The following CCDC88C variants were observed in gnomAD, a reference collection of about 807,000 sequenced individuals.
CCDC88C encodes the protein coiled-coil and HOOK domain protein 88C, also known as protein Daple.
Under a neutral mutation model 198.8 loss-of-function variants are expected in CCDC88C, and 131 were observed. The observed-to-expected ratio is 0.66, with a 90% CI of 0.57 to 0.76. The LOEUF is 0.76. CCDC88C is among the 30% of genes least tolerant of loss of function. The probability of loss-of-function intolerance (pLI) is 0.00; values close to 1 mark genes in which losing one functional copy is unlikely to be tolerated. For synonymous variants in CCDC88C, 1,166 were observed against 1,114.7 expected, an observed-to-expected ratio of 1.05 and a Z score of -0.92; for missense variants, 2,553 against 2,631.6, an observed-to-expected ratio of 0.97 and a Z score of 0.65.
At chr14:91,330,353 G>A (rs1275308910) in intron 10 of CCDC88C, among the ~76,000 whole-genome samples, 2 of 152,212 alleles carry the variant, frequency 1.3e-5, no homozygotes, top group Non-Finnish European at 2.9e-5. Flanking sequence ...AGTCCTGGGG[G>A]AGCTGAAGTG....
At chr14:91,308,548 C>G in intron 16 of CCDC88C, 56 bp from the exon 17 acceptor site, 1 of 1,556,762 alleles carries the variant, frequency 6.4e-7, no homozygotes, top group Non-Finnish European at 8.8e-7. Flanking sequence ...CCGCAAGTTC[C>G]CAGTGTCCTC....
chr14:91,340,858 CG>C (rs925972692), intron 6 of CCDC88C, among the ~76,000 whole-genome samples: 1 of 151,990 alleles, frequency 6.6e-6, no homozygotes, highest in African/African-American at 2.4e-5. Context: ...AAAAATTAGC[CG>C]GGCGAGGTGG....
intron 6 of CCDC88C, 50 bp from the exon 7 acceptor site, chr14:91,340,074 C>T (rs1370328589): frequency 4.4e-6 from 7 of 1,590,010 alleles, no homozygotes; most frequent in Non-Finnish European, 6.0e-6. Context: ...GACGGGCGCC[C>T]ACTTCCCTCA....
intron 3 of CCDC88C, among the ~76,000 whole-genome samples, chr14:91,361,174 G>A (rs142174681): frequency 8.6e-5 from 13 of 151,794 alleles, no homozygotes; most frequent in Non-Finnish European, 1.6e-4. Context: ...ACAAAAAAGA[G>A]GGTGGGTTTC....
chr14:91,300,213 G>T, intron 20 of CCDC88C, 143 bp from the exon 21 acceptor site: 3 of 1,264,498 alleles, frequency 2.4e-6, no homozygotes, highest in Non-Finnish European at 3.2e-6. Context: ...GGGGCATGGG[G>T]CAGGGAACAG....
At chr14:91,343,067 G>A (rs775695907) in intron 5 of CCDC88C, among the ~76,000 whole-genome samples, 3 of 152,078 alleles carry the variant, frequency 2.0e-5, no homozygotes, top group African/African-American at 7.2e-5. Flanking sequence ...TGATCCTCTC[G>A]CCTCAGCCTC....
chr14:91,317,330 C>T (rs1436110388), intron 13 of CCDC88C, among the ~76,000 whole-genome samples: 3 of 152,180 alleles, frequency 2.0e-5, no homozygotes, highest in Admixed American at 1.3e-4. Context: ...GCACTAGGGG[C>T]CCCCTGTGGG....
At chr14:91,345,564 G>C (rs1488718344) in intron 4 of CCDC88C, among the ~76,000 whole-genome samples, 1 of 152,016 alleles carries the variant, frequency 6.6e-6, no homozygotes, top group Non-Finnish European at 1.5e-5. Context: ...CCCTTTTTAA[G>C]CTTTTCATAT....
chr14:91,293,908 T>C (rs2139757947), intron 23 of CCDC88C, among the ~76,000 whole-genome samples: 1 of 152,348 alleles, frequency 6.6e-6, no homozygotes, highest in East Asian at 1.9e-4. Context: ...TTCAAGTGAA[T>C]TTAATTCTAG....
chr14:91,281,311 G>A, intron 27 of CCDC88C, 146 bp downstream of exon 27: 1 of 1,529,010 alleles, frequency 6.5e-7, no homozygotes, highest in Non-Finnish European at 8.8e-7. Flanking sequence ...TCAGCCCCCT[G>A]GGGAGGGGAA....
At chr14:91,327,154 C>T (rs183213852) in intron 10 of CCDC88C, among the ~76,000 whole-genome samples, 44 of 152,346 alleles carry the variant, frequency 2.9e-4, no homozygotes, top group East Asian at 5.8e-4. Flanking sequence ...GGAACGTGTA[C>T]GCTTCTTTCG....
intron 23 of CCDC88C, 117 bp downstream of exon 23, chr14:91,294,056 T>C: frequency 2.6e-6 from 3 of 1,172,116 alleles, no homozygotes; most frequent in Non-Finnish European, 3.7e-6. Flanking sequence ...TGCCCTGCCC[T>C]CAGGATCCCA....
chr14:91,295,532 C>T (rs746910376), intron 22 of CCDC88C, among the ~76,000 whole-genome samples: 2 of 152,196 alleles, frequency 1.3e-5, no homozygotes, highest in Non-Finnish European at 2.9e-5. Flanking sequence ...ACCAAGCCGG[C>T]TGGGCCCCAC....
At chr14:91,408,480 C>A in intron 3 of CCDC88C, 179 bp downstream of exon 3, 2 of 600,860 alleles carry the variant, frequency 3.3e-6, no homozygotes, top group Non-Finnish European at 6.1e-6. Context: ...AGGAAATCAA[C>A]GCACCATCTC....
At chr14:91,367,604 TAGAC>T (rs1341341997) in intron 3 of CCDC88C, among the ~76,000 whole-genome samples, 14 of 151,606 alleles carry the variant, frequency 9.2e-5, no homozygotes, top group Non-Finnish European at 1.5e-4. Context: ...GGGAGGGAGG[TAGAC>T]AGTGGCAGCA....
chr14:91,275,529 G>A (rs530513061), intron 29 of CCDC88C, among the ~76,000 whole-genome samples: 1 of 151,610 alleles, frequency 6.6e-6, no homozygotes, highest in African/African-American at 2.4e-5. Flanking sequence ...CCAGGCTGGA[G>A]TGCAGTGGCA....
At position 91,273,682 on chromosome 14, in the gene CCDC88C, T is replaced by C; in HGVS notation, c.5059-29A>G. On this transcript the variant is annotated intron_variant, in intron 29 of 29. Transcript: ENST00000389857. This position sits in a 1 kb window ranked among gnomAD's most constrained non-coding sequence, Gnocchi z 5.6. ...CGGAGAAGAGAGTGAAGGTTGGAGG[T>C]GGGCATGAGGGTTGGGTGGGTCCTT... The C allele has an allele frequency of 7.0e-7, 1 of 1,432,900 alleles. No homozygotes were observed. The highest frequency in any genetic ancestry group is 1.7e-5 in the South Asian group (1 of 58,062). The allele number at this position is 1,432,900 out of a possible 1,614,324, so 88.8% of individuals were successfully genotyped here. A position where few individuals can be genotyped will look rare whatever the true frequency, so the allele number is the denominator to read the frequency against.
chr14:91,384,831 C>G (rs1885030426), intron 3 of CCDC88C, among the ~76,000 whole-genome samples: 1 of 152,178 alleles, frequency 6.6e-6, no homozygotes, highest in Admixed American at 6.5e-5. Context: ...ACAGACAGCC[C>G]CAAGGGTGGA....
intron 15 of CCDC88C, among the ~76,000 whole-genome samples, chr14:91,311,801 AG>A (rs1485861222): frequency 6.6e-6 from 1 of 152,214 alleles, no homozygotes; most frequent in South Asian, 2.1e-4. Context: ...ATCCCTCAAG[AG>A]ACTAACACGT....
Sources: gnomAD v4.1 joint callset for allele counts (sites outside exome capture counted in the v4.1 genomes callset) on GRCh38, gnomAD v4.1.1 for gene constraint, Gnocchi (gnomAD v3.1) non-coding constraint, MANE v1.5 for transcripts, NCBI Gene and HGNC (gene_info 2026-07-23, HGNC 2026-07-21) for gene names.